Variants in SUPT3H observed in about 807,000 individuals in gnomAD.
SUPT3H encodes transcription initiation protein SPT3 homolog.
A neutral mutation model predicts 44.3 loss-of-function variants in SUPT3H; 44 were observed. The observed-to-expected ratio is 0.99, with a 90% CI of 0.78 to 1.28. The LOEUF is 1.28. SUPT3H is among the 50% of genes most tolerant of loss of function. The pLI, the probability that SUPT3H is intolerant of heterozygous loss-of-function variation, is 0.00. For missense variants in SUPT3H, 380 were observed against 387.1 expected (o/e 0.98, Z 0.15); for synonymous variants, 124 against 125.6 (o/e 0.99, Z 0.09).
intron 11 of SUPT3H, among the ~76,000 whole-genome samples, chr6:44,816,293 C>A (rs1241336142): frequency 6.6e-6 from 1 of 152,110 alleles, no homozygotes; most frequent in Non-Finnish European, 1.5e-5. Context: ...AGAGGAGTGT[C>A]ACTACAGATC....
chr6:44,857,126 T>G (rs909231257), intron 10 of SUPT3H, among the ~76,000 whole-genome samples: 6 of 152,198 alleles, frequency 3.9e-5, no homozygotes, highest in African/African-American at 1.2e-4. Context: ...GTATATTAAT[T>G]GGTAAATTTT....
intron 2 of SUPT3H, among the ~76,000 whole-genome samples, chr6:45,125,842 C>A (rs1455394776): frequency 7.1e-6 from 1 of 140,202 alleles, no homozygotes; most frequent in East Asian, 2.2e-4. Context: ...AAAAAAAAAT[C>A]TTTCTGGTTT....
intron 3 of SUPT3H, among the ~76,000 whole-genome samples, chr6:45,060,690 T>C (rs1454778365): frequency 1.3e-5 from 2 of 152,044 alleles, no homozygotes; most frequent in African/African-American, 4.8e-5. Flanking sequence ...AATTTTGCAA[T>C]CTATCCATGA....
At chr6:45,328,763 T>C (rs1308444345) in intron 2 of SUPT3H, 4 of 1,611,986 alleles carry the variant, frequency 2.5e-6, no homozygotes, top group African/African-American at 2.7e-5. Flanking sequence ...AGTGACACCA[T>C]GTCAGCAAAA....
chr6:45,060,950 A>G (rs1459205321), intron 3 of SUPT3H, among the ~76,000 whole-genome samples: 1 of 152,132 alleles, frequency 6.6e-6, no homozygotes, highest in African/African-American at 2.4e-5. Flanking sequence ...AAGAAACAAG[A>G]TGCTGCCAAG....
intron 11 of SUPT3H, among the ~76,000 whole-genome samples, chr6:44,810,407 AT>A (rs988858758): frequency 5.3e-5 from 8 of 152,034 alleles, no homozygotes; most frequent in Admixed American, 2.6e-4. Flanking sequence ...TGAATACAGC[AT>A]TTTTTTGGTA....
chr6:45,352,381 C>T (rs977926763), intron 2 of SUPT3H, among the ~76,000 whole-genome samples: 2 of 151,970 alleles, frequency 1.3e-5, no homozygotes, highest in African/African-American at 4.8e-5. Flanking sequence ...AGTTTATGAA[C>T]TCTTATTATA....
At chr6:44,989,583 G>A (rs549334151) in intron 6 of SUPT3H, among the ~76,000 whole-genome samples, 40 of 152,078 alleles carry the variant, frequency 2.6e-4, no homozygotes, top group Non-Finnish European at 3.1e-4. Flanking sequence ...CTTCCATGCT[G>A]TTTTCCGTAA....
chr6:45,299,293 G>A (rs973924121), intron 2 of SUPT3H, among the ~76,000 whole-genome samples: 19 of 145,916 alleles, frequency 1.3e-4, no homozygotes, highest in South Asian at 8.6e-4. Flanking sequence ...CTGAGATTGC[G>A]CCACTGCACT....
At chr6:45,245,203 C>T (rs997914178) in intron 2 of SUPT3H, among the ~76,000 whole-genome samples, 1 of 151,764 alleles carries the variant, frequency 6.6e-6, no homozygotes, top group Non-Finnish European at 1.5e-5. Context: ...AATTTAAGTC[C>T]CTAAATAATA....
intron 2 of SUPT3H, among the ~76,000 whole-genome samples, chr6:45,160,465 T>C (rs377611394): frequency 2.0e-5 from 3 of 152,106 alleles, no homozygotes; most frequent in African/African-American, 4.8e-5. Flanking sequence ...AGATTTTCCA[T>C]AGAAATGAAT....
At position 44,967,319 on chromosome 6, in the gene SUPT3H, C is replaced by G. The variant is rs1776907619; in HGVS notation, c.505-5491G>C. 2.0e-5 allele frequency among the ~76,000 whole-genome samples: 3 copies of G among 152,260 alleles called. No homozygotes were observed. The South Asian group carries it at 6.2e-4, about 32-fold the overall frequency. ...GTTATTGTAAAACATACAGAGAAGG[C>G]AGACTTTTATGCTAGATGAACTCAC... is the stretch of plus-strand genomic sequence containing the variant. On this transcript the variant is annotated intron_variant, in intron 6 of 10. Transcript: ENST00000371459.
intron 2 of SUPT3H, among the ~76,000 whole-genome samples, chr6:45,360,278 G>A (rs552903419): frequency 2.3e-4 from 35 of 152,176 alleles, no homozygotes; most frequent in Non-Finnish European, 4.4e-4. Flanking sequence ...ACAGAGTTGT[G>A]TGAGGATGAA....
intron 2 of SUPT3H, among the ~76,000 whole-genome samples, chr6:45,238,226 T>C (rs1424501477): frequency 2.0e-5 from 3 of 152,214 alleles, no homozygotes; most frequent in African/African-American, 7.2e-5. Context: ...TTATGATCAC[T>C]TGCAAAATTC....
At chr6:45,188,832 T>C (rs143483348) in intron 2 of SUPT3H, among the ~76,000 whole-genome samples, 43 of 152,332 alleles carry the variant, frequency 2.8e-4, no homozygotes, top group African/African-American at 5.8e-4. Flanking sequence ...ATGGTACTCA[T>C]TTTTATAGGT....
At chr6:45,173,003 C>T (rs1394045434) in intron 2 of SUPT3H, among the ~76,000 whole-genome samples, 2 of 152,184 alleles carry the variant, frequency 1.3e-5, no homozygotes, top group Admixed American at 1.3e-4. Flanking sequence ...TTCTCAGCTT[C>T]CATATGTGAT....
At chr6:45,318,209 T>C (rs984908858) in intron 2 of SUPT3H, among the ~76,000 whole-genome samples, 2 of 151,986 alleles carry the variant, frequency 1.3e-5, no homozygotes, top group East Asian at 1.9e-4. Flanking sequence ...ATTACATACA[T>C]GTATCAGTAA....
intron 2 of SUPT3H, among the ~76,000 whole-genome samples, chr6:45,132,796 GA>G (rs1803674709): frequency 6.6e-6 from 1 of 152,050 alleles, no homozygotes; most frequent in African/African-American, 2.4e-5. Flanking sequence ...TGTTGGTCTA[GA>G]AATAGAACAC....
intron 2 of SUPT3H, among the ~76,000 whole-genome samples, chr6:45,283,553 G>A (rs1482819425): frequency 6.6e-6 from 1 of 151,970 alleles, no homozygotes; most frequent in Non-Finnish European, 1.5e-5. Context: ...AAATACATAT[G>A]CACCCAATAC....
Sources: allele counts gnomAD v4.1 joint callset (sites outside exome capture counted in the v4.1 genomes callset), GRCh38; gene constraint gnomAD v4.1.1; transcripts MANE v1.5; gene names NCBI Gene and HGNC (gene_info 2026-07-23, HGNC 2026-07-21).